The following GDAP1 variants were observed in gnomAD, a reference collection of about 807,000 sequenced individuals.
GDAP1 encodes ganglioside-induced differentiation-associated protein 1.
In GDAP1, 34 loss-of-function variants were observed where a neutral mutation model predicts 40.1. The observed-to-expected ratio is 0.85, with a 90% CI of 0.64 to 1.13. The LOEUF (loss-of-function observed/expected upper bound fraction) is 1.13, where lower values mean the gene tolerates loss of function less well. GDAP1 is among the 50% of genes most tolerant of loss of function. The pLI is 0.00. For missense variants in GDAP1, 374 were observed against 433.7 expected, an observed-to-expected ratio of 0.86 and a Z score of 1.22; for synonymous variants, 170 against 157.4, an observed-to-expected ratio of 1.08 and a Z score of -0.60.
intron 2 of GDAP1, among the ~76,000 whole-genome samples, chr8:74,393,183 GTTAAGT>G (rs1317464124): frequency 8.2e-4 from 125 of 152,186 alleles, no homozygotes; most frequent in Non-Finnish European, 2.6e-4. Context: ...CATTTTCCTG[GTTAAGT>G]TTATCTAATT....
At chr8:74,371,075 C>G (rs1163974446), downstream of GDAP1, among the ~76,000 whole-genome samples, 1 of 152,174 alleles carries the variant, frequency 6.6e-6, no homozygotes, top group Non-Finnish European at 1.5e-5. Context: ...TATAGAAGAT[C>G]TGAGCACACT....
intron 2 of GDAP1, among the ~76,000 whole-genome samples, chr8:74,415,827 C>G (rs578119020): frequency 6.7e-6 from 1 of 149,920 alleles, no homozygotes; most frequent in African/African-American, 2.5e-5. Flanking sequence ...AGAGAAACCC[C>G]TAACTGTGAG....
chr8:74,438,258 A>G (rs1279269108), intron 2 of GDAP1, among the ~76,000 whole-genome samples: 1 of 151,976 alleles, frequency 6.6e-6, no homozygotes, highest in Non-Finnish European at 1.5e-5. Flanking sequence ...GACAGAGCGA[A>G]ACTCCATCTC....
intron 2 of GDAP1, among the ~76,000 whole-genome samples, chr8:74,410,164 T>G (rs1180487920): frequency 6.7e-6 from 1 of 150,180 alleles, no homozygotes; most frequent in Non-Finnish European, 1.5e-5. Context: ...ATCAGTTAAA[T>G]GAAGTCACCA....
intron 2 of GDAP1, among the ~76,000 whole-genome samples, chr8:74,475,217 T>G (rs1426917642): frequency 6.6e-6 from 1 of 152,102 alleles, no homozygotes; most frequent in Non-Finnish European, 1.5e-5. Flanking sequence ...TATTATTATT[T>G]TTTTTCAAAA....
chr8:74,366,047 CCT>C lies in GDAP1; in HGVS notation c.*1683_*1684del, dbSNP rs1331935928. On this transcript the variant is annotated 3_prime_UTR_variant, in exon 6 of 6. Transcript: ENST00000220822. The stretch of plus-strand genomic sequence containing the variant: ...AATAAGAATTGGATTTTTATAAAAA[CCT>C]CTGAAGGATATTTACCTATGAAAAA... 1 of 448,380 alleles carries C rather than the reference CCT, an allele frequency of 2.2e-6. No homozygotes were observed. Among genetic ancestry groups the C allele is most frequent in the Admixed American group, 2.4e-5 (1 of 41,416 alleles). 27.8% of individuals were successfully genotyped at this position (448,380 alleles called of 1,614,324 possible).
intron 2 of GDAP1, among the ~76,000 whole-genome samples, chr8:74,437,043 G>A (rs149844541): frequency 8.5e-5 from 13 of 152,236 alleles, no homozygotes; most frequent in African/African-American, 3.1e-4. Flanking sequence ...AGACTTATAG[G>A]ACACTTAACA....
At chr8:74,463,486 T>C (rs1271473265) in intron 2 of GDAP1, among the ~76,000 whole-genome samples, 3 of 151,638 alleles carry the variant, frequency 2.0e-5, no homozygotes, top group African/African-American at 7.3e-5. Context: ...AATAGTATTT[T>C]AACAGAGGTG....
downstream of GDAP1, among the ~76,000 whole-genome samples, chr8:74,368,509 A>C (rs1234015728): frequency 6.6e-6 from 1 of 152,200 alleles, no homozygotes; most frequent in Non-Finnish European, 1.5e-5. Flanking sequence ...ACATTGTAAA[A>C]ATTCTTATTG....
chr8:74,374,502 GA>G (rs143433448), intron 2 of GDAP1, among the ~76,000 whole-genome samples: 64 of 149,298 alleles, frequency 4.3e-4, no homozygotes, highest in African/African-American at 1.5e-3. Context: ...TAAGTAGAAG[GA>G]AAAAAAAATC....
intron 2 of GDAP1, among the ~76,000 whole-genome samples, chr8:74,472,070 T>C (rs1806564218): frequency 6.6e-6 from 1 of 152,168 alleles, no homozygotes; most frequent in Admixed American, 6.5e-5. Flanking sequence ...CCAATATTTT[T>C]TCTGATCCTC....
intron 2 of GDAP1, among the ~76,000 whole-genome samples, chr8:74,436,420 CT>C (rs11337545): frequency 0.93 from 102,150 of 110,360 alleles, 47,123 homozygotes; most frequent in Middle Eastern, 0.96. Flanking sequence ...CCATCCCTTC[CT>C]TTTTTTTTTT....
chr8:74,478,694 A>T (rs1806667667), intron 2 of GDAP1, among the ~76,000 whole-genome samples: 2 of 152,110 alleles, frequency 1.3e-5, no homozygotes, highest in Non-Finnish European at 2.9e-5. Context: ...GCTGTGCTCC[A>T]CTGTAGCCAC....
chr8:74,368,189 C>T (rs977475695), downstream of GDAP1, among the ~76,000 whole-genome samples: 1 of 152,096 alleles, frequency 6.6e-6, no homozygotes, highest in African/African-American at 2.4e-5. Context: ...GGTCAAGTTT[C>T]CATGCCAAAA....
chr8:74,408,523 C>A (rs1182162835), intron 2 of GDAP1, among the ~76,000 whole-genome samples: 1 of 150,080 alleles, frequency 6.7e-6, no homozygotes, highest in Non-Finnish European at 1.5e-5. Context: ...ACTAGTCTTT[C>A]AGGACTTAAT....
intron 2 of GDAP1, among the ~76,000 whole-genome samples, chr8:74,485,725 A>T (rs1806768022): frequency 6.6e-6 from 1 of 152,112 alleles, no homozygotes. Flanking sequence ...TCACAGAAGC[A>T]GGAATATACA....
At chr8:74,422,479 T>A (rs13271288) in intron 2 of GDAP1, among the ~76,000 whole-genome samples, 2 of 114,082 alleles carry the variant, frequency 1.8e-5, no homozygotes, top group African/African-American at 4.2e-5. Flanking sequence ...CCTTCCTCCC[T>A]CCCTCCCTCC....
chr8:74,447,719 A>T (rs150435000), intron 2 of GDAP1, among the ~76,000 whole-genome samples: 461 of 152,302 alleles, frequency 3.0e-3, no homozygotes, highest in Non-Finnish European at 4.9e-3. Flanking sequence ...GATGCCCCAC[A>T]TGGGGCCAAG....
chr8:74,465,163 T>C (rs1806452948), intron 2 of GDAP1, among the ~76,000 whole-genome samples: 1 of 151,942 alleles, frequency 6.6e-6, no homozygotes, highest in South Asian at 2.1e-4. Flanking sequence ...GAGGTTGCAG[T>C]GAGCTGAGAT....
Sources: allele counts gnomAD v4.1 joint callset (sites outside exome capture counted in the v4.1 genomes callset), GRCh38; gene constraint gnomAD v4.1.1; transcripts MANE v1.5; gene names NCBI Gene and HGNC (gene_info 2026-07-23, HGNC 2026-07-21).